RAB38: variants seen among roughly 807,000 people sequenced by gnomAD.
The protein encoded by RAB38 is RAB38, member RAS oncogene family.
A neutral mutation model predicts 18.4 loss-of-function variants in RAB38; 15 were observed. That is an observed-to-expected ratio of 0.82 (90% CI 0.55 to 1.26). The LOEUF is 1.26. RAB38 is among the 50% of genes most tolerant of loss of function. The pLI is 0.00. For missense variants in RAB38, 294 were observed against 267.4 expected, an observed-to-expected ratio of 1.10 and a Z score of -0.69; for synonymous variants, 101 against 104.4, an observed-to-expected ratio of 0.97 and a Z score of 0.20.
At chr11:88,142,813 C>T (rs562263964) in intron 2 of RAB38, among the ~76,000 whole-genome samples, 73 of 152,198 alleles carry the variant, frequency 4.8e-4, no homozygotes, top group Non-Finnish European at 7.9e-4. Flanking sequence ...GTTCTGACAA[C>T]GGCTAGACGA....
chr11:88,122,464 C>T (rs1299455610), intron 2 of RAB38, among the ~76,000 whole-genome samples: 1 of 152,236 alleles, frequency 6.6e-6, no homozygotes, highest in African/African-American at 2.4e-5. Context: ...AGTTCAACTA[C>T]TTTCTCATTA....
chr11:87,900,138 A>C, the RAB38 span, among the ~76,000 whole-genome samples: 3 of 151,686 alleles, frequency 2.0e-5, no homozygotes, highest in Non-Finnish European at 4.4e-5. Flanking sequence ...ACTCTTTAAA[A>C]AATTGAAATA....
At chr11:87,878,353 T>C in the RAB38 span, among the ~76,000 whole-genome samples, 5 of 150,408 alleles carry the variant, frequency 3.3e-5, no homozygotes, top group Non-Finnish European at 1.5e-5. Flanking sequence ...CTATCATCTG[T>C]CTATCTATCA....
intron 2 of RAB38, among the ~76,000 whole-genome samples, chr11:88,138,972 G>A (rs557664574): frequency 2.0e-5 from 3 of 151,934 alleles, no homozygotes; most frequent in East Asian, 3.9e-4. Context: ...TTTTAGTAGC[G>A]ACGGTGTTTC....
chr11:87,864,088 T>C, the RAB38 span, among the ~76,000 whole-genome samples: 4 of 151,498 alleles, frequency 2.6e-5, no homozygotes, highest in Non-Finnish European at 5.9e-5. Context: ...TTTGAGAGAG[T>C]AACTCTTGCT....
the RAB38 span, among the ~76,000 whole-genome samples, chr11:87,854,776 C>T: frequency 6.6e-6 from 1 of 152,064 alleles, no homozygotes; most frequent in African/African-American, 2.4e-5. Context: ...ACATTTCATG[C>T]ATTTGGGGAA....
At chr11:88,092,165 T>C in the RAB38 span, among the ~76,000 whole-genome samples, 1 of 151,684 alleles carries the variant, frequency 6.6e-6, no homozygotes, top group African/African-American at 2.4e-5. Flanking sequence ...TTGTCTGGAC[T>C]AGATCCTGTT....
chr11:87,957,187 G>A, the RAB38 span, among the ~76,000 whole-genome samples: 1 of 152,038 alleles, frequency 6.6e-6, no homozygotes. Context: ...TCAGTTCCAA[G>A]ATTCATGTCA....
At chr11:88,080,037 T>C in the RAB38 span, among the ~76,000 whole-genome samples, 3 of 151,676 alleles carry the variant, frequency 2.0e-5, no homozygotes, top group Non-Finnish European at 4.4e-5. Context: ...CATGAGATAC[T>C]AGACAGTTCA....
At chr11:88,096,699 G>A in the RAB38 span, among the ~76,000 whole-genome samples, 30 of 151,880 alleles carry the variant, frequency 2.0e-4, no homozygotes, top group Non-Finnish European at 4.1e-4. Context: ...AGGAAATAAA[G>A]CAAGCAAGAA....
At chr11:87,846,690 C>A in the RAB38 span, among the ~76,000 whole-genome samples, 2 of 151,970 alleles carry the variant, frequency 1.3e-5, no homozygotes, top group African/African-American at 4.8e-5. Context: ...TTATAATGAA[C>A]TGCTTTAATT....
the RAB38 span, among the ~76,000 whole-genome samples, chr11:87,937,311 C>CATATATATATATATATATATATAT: frequency 2.4e-5 from 2 of 82,688 alleles, no homozygotes; most frequent in African/African-American, 4.4e-5. Context: ...ACTTGGTCAT[C>CATATATATATATATATATATATAT]ATATATATAT....
At chr11:87,910,509 T>C in the RAB38 span, among the ~76,000 whole-genome samples, 4 of 152,120 alleles carry the variant, frequency 2.6e-5, no homozygotes, top group African/African-American at 9.7e-5. Context: ...CTGCTTTTGA[T>C]AAAATATCCA....
chr11:87,959,776 G>A, the RAB38 span, among the ~76,000 whole-genome samples: 4 of 151,984 alleles, frequency 2.6e-5, no homozygotes, highest in South Asian at 4.1e-4. Context: ...ACATAGCATC[G>A]ATGAGCCCAA....
the RAB38 span, among the ~76,000 whole-genome samples, chr11:88,035,256 T>C: frequency 6.6e-6 from 1 of 152,216 alleles, no homozygotes; most frequent in African/African-American, 2.4e-5. Flanking sequence ...ATGAAGTAAA[T>C]TTTATTAATC....
the RAB38 span, among the ~76,000 whole-genome samples, chr11:87,964,114 G>A: frequency 6.6e-6 from 1 of 152,052 alleles, no homozygotes; most frequent in Non-Finnish European, 1.5e-5. Context: ...GTTATCTATT[G>A]CTGCATATCA....
At chr11:87,972,070 T>C in the RAB38 span, among the ~76,000 whole-genome samples, 340 of 152,132 alleles carry the variant, frequency 2.2e-3, 1 homozygote, top group Non-Finnish European at 3.7e-3. Flanking sequence ...GAAAATTCAG[T>C]AAGAAAGACG....
chr11:87,862,285 T>C, the RAB38 span, among the ~76,000 whole-genome samples: 2 of 151,872 alleles, frequency 1.3e-5, no homozygotes, highest in Non-Finnish European at 2.9e-5. Context: ...ATAGACTGGA[T>C]AAAGAAAATG....
chr11:88,025,252 A>G, the RAB38 span, among the ~76,000 whole-genome samples: 1 of 151,232 alleles, frequency 6.6e-6, no homozygotes, highest in Non-Finnish European at 1.5e-5. Flanking sequence ...TATATTATAT[A>G]TAGTCACATT....
Sources: allele counts gnomAD v4.1 joint callset (sites outside exome capture counted in the v4.1 genomes callset), GRCh38; gene constraint gnomAD v4.1.1; transcripts MANE v1.5; gene names NCBI Gene and HGNC (gene_info 2026-07-23, HGNC 2026-07-21).